NFIB: variants seen among roughly 807,000 people sequenced by gnomAD.
The protein encoded by NFIB is nuclear factor I B.
In NFIB, 11 loss-of-function variants were observed where a neutral mutation model predicts 61.5. That is an observed-to-expected ratio of 0.18 (90% confidence interval 0.11 to 0.30). NFIB has a LOEUF of 0.30. NFIB is among the 10% of genes least tolerant of loss of function. The pLI, the probability that NFIB is intolerant of heterozygous loss-of-function variation, is 1.00. For missense variants in NFIB, 471 were observed against 608.9 expected, an observed-to-expected ratio of 0.77 and a Z score of 2.38; for synonymous variants, 260 against 216.5, an observed-to-expected ratio of 1.20 and a Z score of -1.76.
intron 2 of NFIB, among the ~76,000 whole-genome samples, chr9:14,263,213 T>G (rs2056929264): frequency 6.9e-6 from 1 of 144,090 alleles, no homozygotes. Flanking sequence ...TTAAACAAGG[T>G]TTTTTTTTTC....
chr9:14,440,187 A>G, the NFIB span, among the ~76,000 whole-genome samples: 1 of 152,058 alleles, frequency 6.6e-6, no homozygotes, highest in South Asian at 2.1e-4. Flanking sequence ...GGGGCAGTCT[A>G]CCGCCACAGA....
chr9:14,383,702 G>A (rs576035325), intron 1 of NFIB, among the ~76,000 whole-genome samples: 19 of 152,310 alleles, frequency 1.2e-4, no homozygotes, highest in African/African-American at 3.8e-4. Flanking sequence ...ATCACTTTGT[G>A]TTTTCCTGCA....
intron 1 of NFIB, among the ~76,000 whole-genome samples, chr9:14,351,815 C>T (rs1401015002): frequency 2.0e-5 from 3 of 152,194 alleles, no homozygotes; most frequent in African/African-American, 7.2e-5. Context: ...GCTTGTGTCT[C>T]ATTGCTTTAC....
the NFIB span, among the ~76,000 whole-genome samples, chr9:14,456,312 A>G: frequency 1.3e-5 from 2 of 152,214 alleles, no homozygotes; most frequent in African/African-American, 4.8e-5. Context: ...ACAGAATCCA[A>G]AGGCCTATAG....
chr9:14,183,378 T>C (rs541443422), intron 2 of NFIB, among the ~76,000 whole-genome samples: 7 of 152,042 alleles, frequency 4.6e-5, no homozygotes, highest in Non-Finnish European at 1.0e-4. Context: ...CTGCCCAGCA[T>C]ACTGGGTCTG....
the NFIB span, among the ~76,000 whole-genome samples, chr9:14,469,175 T>C: frequency 6.6e-6 from 1 of 152,176 alleles, no homozygotes; most frequent in Admixed American, 6.5e-5. Flanking sequence ...CACATTGGGA[T>C]TGGGGGACCG....
At chr9:14,474,287 T>C in the NFIB span, among the ~76,000 whole-genome samples, 2 of 152,132 alleles carry the variant, frequency 1.3e-5, no homozygotes, top group Admixed American at 1.3e-4. Context: ...TCCTGGTTCA[T>C]GGATGGCTGC....
chr9:14,473,438 G>C, the NFIB span, among the ~76,000 whole-genome samples: 2 of 152,190 alleles, frequency 1.3e-5, no homozygotes, highest in East Asian at 3.9e-4. Flanking sequence ...ATTCAAGCTT[G>C]TAAAATGTGC....
the NFIB span, among the ~76,000 whole-genome samples, chr9:14,413,840 T>C: frequency 6.6e-6 from 1 of 152,266 alleles, no homozygotes; most frequent in East Asian, 1.9e-4. Context: ...TGTTTCTACA[T>C]TTTCAAAATA....
intron 2 of NFIB, among the ~76,000 whole-genome samples, chr9:14,188,236 A>T (rs2047589396): frequency 1.3e-5 from 2 of 152,208 alleles, no homozygotes; most frequent in South Asian, 4.1e-4. Flanking sequence ...TCTTATTTAA[A>T]TTAATTAACT....
At chr9:14,115,059 C>A (rs1429653309) in intron 9 of NFIB, among the ~76,000 whole-genome samples, 1 of 151,966 alleles carries the variant, frequency 6.6e-6, no homozygotes, top group African/African-American at 2.4e-5. Flanking sequence ...TATTACAAGC[C>A]TATAGGAACT....
chr9:14,196,565 C>A (rs1370378956), intron 2 of NFIB, among the ~76,000 whole-genome samples: 1 of 151,852 alleles, frequency 6.6e-6, no homozygotes, highest in East Asian at 1.9e-4. Context: ...ACAAATCAAA[C>A]AACAGTAATT....
At chr9:14,421,349 C>T in the NFIB span, among the ~76,000 whole-genome samples, 1 of 152,116 alleles carries the variant, frequency 6.6e-6, no homozygotes, top group African/African-American at 2.4e-5. Context: ...GGATGAGATA[C>T]TTTGGGGCAT....
chr9:14,188,292 A>T (rs1326307954), intron 2 of NFIB, among the ~76,000 whole-genome samples: 1 of 152,320 alleles, frequency 6.6e-6, no homozygotes, highest in African/African-American at 2.4e-5. Context: ...TTAGGGAAAG[A>T]GTCCCTGGGA....
At chr9:14,428,244 C>T in the NFIB span, among the ~76,000 whole-genome samples, 1 of 152,092 alleles carries the variant, frequency 6.6e-6, no homozygotes, top group Non-Finnish European at 1.5e-5. Flanking sequence ...CCGTGCCTGG[C>T]CTAGCTTTTT....
At chr9:14,363,577 T>G (rs2061264878) in intron 1 of NFIB, among the ~76,000 whole-genome samples, 2 of 150,700 alleles carry the variant, frequency 1.3e-5, no homozygotes, top group Admixed American at 1.3e-4. Context: ...ACGAAAGCAA[T>G]GGCATGTATA....
At chr9:14,449,489 A>G in the NFIB span, among the ~76,000 whole-genome samples, 1 of 152,238 alleles carries the variant, frequency 6.6e-6, no homozygotes, top group African/African-American at 2.4e-5. Flanking sequence ...ACAGTCGGAA[A>G]TATTCAAATG....
chr9:14,354,215 A>T (rs979073787), intron 1 of NFIB, among the ~76,000 whole-genome samples: 4 of 152,202 alleles, frequency 2.6e-5, no homozygotes, highest in Non-Finnish European at 4.4e-5. Flanking sequence ...AATTGTGAGC[A>T]AAGATTTTAG....
the NFIB span, among the ~76,000 whole-genome samples, chr9:14,471,645 T>C: frequency 7.8e-4 from 118 of 152,042 alleles, 1 homozygote; most frequent in Middle Eastern, 6.8e-3. Context: ...CAGTGGGGAG[T>C]AGAATTTAAG....
Sources: allele counts gnomAD v4.1 joint callset (sites outside exome capture counted in the v4.1 genomes callset), GRCh38; gene constraint gnomAD v4.1.1; transcripts MANE v1.5; gene names NCBI Gene and HGNC (gene_info 2026-07-23, HGNC 2026-07-21).